TRIO: variants seen among roughly 807,000 people sequenced by gnomAD.
TRIO encodes the protein triple functional domain protein.
In TRIO, 58 loss-of-function variants were observed where a neutral mutation model predicts 351.9. The observed-to-expected ratio is 0.16, with a 90% confidence interval of 0.13 to 0.21. The LOEUF (loss-of-function observed/expected upper bound fraction) is 0.21, where lower values mean the gene tolerates loss of function less well. Among genes scored for constraint, TRIO ranks in the 10% least tolerant of loss-of-function variants. The pLI is 1.00. For missense variants in TRIO, 3,201 were observed against 4,027.8 expected (o/e 0.79, Z 5.56); for synonymous variants, 1,758 against 1,595.7 (o/e 1.10, Z -2.42).
chr5:14,351,993 C>T (rs1320093854), intron 11 of TRIO, among the ~76,000 whole-genome samples: 1 of 152,218 alleles, frequency 6.6e-6, no homozygotes, highest in African/African-American at 2.4e-5. Context: ...ATCTCAAAAG[C>T]TAGCTTTTCA....
intron 1 of TRIO, among the ~76,000 whole-genome samples, chr5:14,213,953 G>C (rs529611907): frequency 6.6e-6 from 1 of 152,292 alleles, no homozygotes; most frequent in African/African-American, 2.4e-5. Flanking sequence ...GAGGATGAAA[G>C]AAAACCATAT....
At chr5:14,187,099 G>A (rs943202768) in intron 1 of TRIO, among the ~76,000 whole-genome samples, 2 of 152,172 alleles carry the variant, frequency 1.3e-5, no homozygotes, top group Admixed American at 6.5e-5. Flanking sequence ...AGCCTAAAGC[G>A]ATGAACCAGA....
At chr5:14,498,701 C>G in intron 53 of TRIO, 61 bp downstream of exon 53, 1 of 1,591,142 alleles carries the variant, frequency 6.3e-7, no homozygotes, top group South Asian at 1.1e-5. Context: ...CAGGAGTCTC[C>G]TTAAGTCCTG....
At chr5:14,378,628 C>G (rs762013266) in intron 20 of TRIO, among the ~76,000 whole-genome samples, 1 of 151,680 alleles carries the variant, frequency 6.6e-6, no homozygotes, top group African/African-American at 2.4e-5. Context: ...GGCACGGTCT[C>G]AGCTTACTGC....
chr5:14,422,420 A>T (rs879294209), intron 34 of TRIO, among the ~76,000 whole-genome samples: 52 of 152,354 alleles, frequency 3.4e-4, no homozygotes, highest in Admixed American at 2.1e-3. Context: ...TAATTTTTTC[A>T]TAACACCCTG....
chr5:14,207,557 C>CACACACACACA (rs58848680), intron 1 of TRIO, among the ~76,000 whole-genome samples: 22 of 146,152 alleles, frequency 1.5e-4, no homozygotes, highest in South Asian at 4.4e-4. Context: ...CACACACACA[C>CACACACACACA]GGAGCCAGGT....
At chr5:14,380,959 A>G (rs901843006) in intron 20 of TRIO, among the ~76,000 whole-genome samples, 171 bp from the exon 21 acceptor site, 2 of 152,216 alleles carry the variant, frequency 1.3e-5, no homozygotes, top group Non-Finnish European at 2.9e-5. Context: ...AAATTTTGTA[A>G]TTGTGGTCAC....
Position 14,265,578 on chromosome 5 carries a change from T to C in TRIO, c.158-5247T>C, listed in dbSNP as rs571972096. ...TAGGGTGCTTTTTATTATAAATAAA[T>C]CGGAGAGGGGCTTGTTGTTCCTGGA... On this transcript the variant is annotated intron_variant, in intron 1 of 56. Transcript: ENST00000344204. 5.9e-5 allele frequency among the ~76,000 whole-genome samples: 9 copies of C among 152,326 alleles called. No homozygotes were observed. The South Asian group carries it at 1.7e-3, about 28-fold the overall frequency.
intron 41 of TRIO, among the ~76,000 whole-genome samples, chr5:14,478,784 T>TAAA (rs777440616): frequency 5.1e-5 from 5 of 97,138 alleles, no homozygotes; most frequent in Non-Finnish European, 7.8e-5. Flanking sequence ...ACTCCATCCC[T>TAAA]ACAAAAAAAA....
At chr5:14,457,290 C>A (rs192802091) in intron 34 of TRIO, among the ~76,000 whole-genome samples, 2,754 of 148,830 alleles carry the variant, frequency 0.019, 37 homozygotes, top group Admixed American at 0.038. Flanking sequence ...AGAACTGCTG[C>A]TTCTCATCAA....
intron 1 of TRIO, among the ~76,000 whole-genome samples, chr5:14,182,076 T>C (rs1305488103): frequency 6.8e-6 from 1 of 147,986 alleles, no homozygotes; most frequent in African/African-American, 2.5e-5. Flanking sequence ...TTTTGGTTCT[T>C]CCTGTTCAAA....
intron 4 of TRIO, among the ~76,000 whole-genome samples, chr5:14,288,201 A>G (rs1353565005): frequency 1.3e-5 from 2 of 152,236 alleles, no homozygotes; most frequent in African/African-American, 4.8e-5. Flanking sequence ...GTATTTAATT[A>G]TAAGTGTTTT....
chr5:14,297,225 C>T lies in TRIO; in HGVS notation c.1330C>T (p.Leu444=). The change falls in exon 7 of 57, where the codon CTG becomes TTG. Residue 444 remains leucine (L), a synonymous_variant. Coordinates refer to ENST00000344204, the MANE Select transcript of TRIO (RefSeq NM_007118.4). ...AAALDERSTL[L]DMSSIFHQKA... ...AGCCCTGGATGAGCGGAGCACCTTG[C>T]TGGACATGTCCTCCATTTTCCACCA... 6.2e-7 allele frequency: 1 copy of T among 1,614,172 alleles called. No individual in the cohort carries two copies. The highest frequency in any genetic ancestry group is 8.5e-7 in the Non-Finnish European group (1 of 1,180,026).
At position 14,358,361 on chromosome 5, in the gene TRIO, C is replaced by G; in HGVS notation, c.2216+14C>G. Reference sequence around the variant, plus strand: ...CCAGCAGCTCAGGTGGGCCTCACCCCTCTCCTGGTCCGAACAGATTCTGAA... The same window carrying G: ...CCAGCAGCTCAGGTGGGCCTCACCCGTCTCCTGGTCCGAACAGATTCTGAA... On this transcript the variant is annotated intron_variant, in intron 12 of 56. Coordinates refer to ENST00000344204, the MANE Select transcript of TRIO (RefSeq NM_007118.4). 2 of 1,613,052 alleles carry G rather than the reference C, an allele frequency of 1.2e-6. No homozygotes were observed. Among genetic ancestry groups the G allele is most frequent in the South Asian group, 2.2e-5 (2 of 91,018 alleles).
chr5:14,393,335 A>G (rs1196525483), intron 27 of TRIO, among the ~76,000 whole-genome samples: 8 of 152,320 alleles, frequency 5.3e-5, no homozygotes, highest in East Asian at 3.9e-4. Flanking sequence ...TGGCACATGT[A>G]CACCTGTGTA....
rs1011865659 is a variant in TRIO, at chr5:14,290,744, C to A, written c.569C>A (p.Thr190Asn). 2.5e-6 allele frequency: 4 copies of A among 1,613,476 alleles called. No homozygotes were observed. The African/African-American group carries it at 5.3e-5, about 22-fold the overall frequency. ...AATATGGTCTCTTTAGAAGGCCTTA[C>A]CAAAGTAGTTGATCCTTCTCAGCTA... ...ETNMVSLEGL[T>N]KVVDPSQLTP... Residue 190 changes from threonine to asparagine, a missense_variant, in exon 5 of 57, where the codon ACC (threonine) becomes AAC (asparagine). By Grantham distance (65) the Thr-to-Asn change is moderately conservative. This residue lies in a region of TRIO where 15 missense variants were observed against 16.4 expected (regional missense o/e 0.91). Transcript: ENST00000344204.
chr5:14,405,822 C>T (rs1376653311), intron 31 of TRIO, 26 bp from the exon 32 acceptor site: 2 of 1,607,014 alleles, frequency 1.2e-6, no homozygotes, highest in Non-Finnish European at 1.7e-6. Context: ...GTTCCGTATC[C>T]TAAGCAACGC....
chr5:14,342,216 GC>G (rs1742000133), intron 11 of TRIO, among the ~76,000 whole-genome samples: 1 of 152,224 alleles, frequency 6.6e-6, no homozygotes, highest in East Asian at 1.9e-4. Flanking sequence ...TCTCGGAGCT[GC>G]CTCTCCTCTG....
At position 14,354,532 on chromosome 5, in the gene TRIO, G is replaced by C. The variant is rs190559285; in HGVS notation, c.2047-3646G>C. Among the ~76,000 whole-genome samples, 3 of 152,276 alleles carry C rather than the reference G, an allele frequency of 2.0e-5. No individual in the cohort carries two copies. The East Asian group carries it at 5.8e-4, about 29-fold the overall frequency. On this transcript the variant is annotated intron_variant, in intron 11 of 56. Coordinates refer to ENST00000344204, the MANE Select transcript of TRIO (RefSeq NM_007118.4). The stretch of plus-strand genomic sequence containing the variant: ...AGGTTCAATATTTGGGTCAGAGTTG[G>C]CTCCTTTACCTTTATTTTCAGCTAC...
Sources: gnomAD v4.1 joint callset for allele counts (sites outside exome capture counted in the v4.1 genomes callset) on GRCh38, gnomAD v4.1.1 for gene constraint, gnomAD v4.1.1 regional missense constraint, MANE v1.5 for transcripts, NCBI Gene and HGNC (gene_info 2026-07-23, HGNC 2026-07-21) for gene names.